MTUS2: variants seen among roughly 807,000 people sequenced by gnomAD.
MTUS2 encodes microtubule associated scaffold protein 2.
In MTUS2, 40 loss-of-function variants were observed where a neutral mutation model predicts 114.1. The observed-to-expected ratio is 0.35, with a 90% CI of 0.27 to 0.46. MTUS2 has a LOEUF of 0.46. Among genes scored for constraint, MTUS2 ranks in the 20% least tolerant of loss-of-function variants. The probability of loss-of-function intolerance (pLI) is 1.00; values close to 1 mark genes in which losing one functional copy is unlikely to be tolerated. For synonymous variants in MTUS2, 688 were observed against 672.0 expected (o/e 1.02, Z -0.37); for missense variants, 1,679 against 1,705.4 (o/e 0.98, Z 0.27).
chr13:29,428,520 C>T, intron 8 of MTUS2: 1 of 425,540 alleles, frequency 2.3e-6, no homozygotes, highest in East Asian at 4.0e-5. Flanking sequence ...TGTGGTTATG[C>T]GACTATTGAT....
At chr13:28,963,878 C>T (rs148529252) in intron 2 of MTUS2, among the ~76,000 whole-genome samples, 2 of 152,190 alleles carry the variant, frequency 1.3e-5, no homozygotes, top group Admixed American at 6.5e-5. Flanking sequence ...TTGAAATGCT[C>T]TTTCCCATCT....
chr13:29,364,629 C>A (rs1870551923), intron 8 of MTUS2, among the ~76,000 whole-genome samples: 1 of 152,184 alleles, frequency 6.6e-6, no homozygotes, highest in South Asian at 2.1e-4. Context: ...CTAGCTTTAT[C>A]TGTTTAATGC....
At chr13:28,991,751 GCTA>G (rs1884866931) in intron 2 of MTUS2, among the ~76,000 whole-genome samples, 1 of 152,074 alleles carries the variant, frequency 6.6e-6, no homozygotes, top group Non-Finnish European at 1.5e-5. Context: ...TTTAAACCTG[GCTA>G]CTTCTTATCC....
intron 5 of MTUS2, among the ~76,000 whole-genome samples, chr13:29,278,681 A>G (rs1181278490): frequency 1.3e-5 from 2 of 152,270 alleles, no homozygotes; most frequent in African/African-American, 4.8e-5. Flanking sequence ...TTGAATATCC[A>G]GGAAACTGAG....
At chr13:29,235,825 G>T (rs1896515182) in intron 5 of MTUS2, among the ~76,000 whole-genome samples, 1 of 152,100 alleles carries the variant, frequency 6.6e-6, no homozygotes, top group Non-Finnish European at 1.5e-5. Flanking sequence ...ATTCACTCAT[G>T]ACCATTTTGG....
At chr13:29,155,888 C>T (rs965253474) in intron 5 of MTUS2, among the ~76,000 whole-genome samples, 2 of 151,746 alleles carry the variant, frequency 1.3e-5, no homozygotes, top group African/African-American at 2.4e-5. Flanking sequence ...TCTATCATTA[C>T]GAGGATAATC....
chr13:29,500,834 C>CAT (rs1491397590), intron 14 of MTUS2, among the ~76,000 whole-genome samples: 1 of 141,308 alleles, frequency 7.1e-6, no homozygotes, highest in Non-Finnish European at 1.5e-5. Flanking sequence ...CACACACACA[C>CAT]ATTGATACAT....
chr13:29,114,043 A>T (rs1890985664), intron 5 of MTUS2, among the ~76,000 whole-genome samples: 1 of 152,034 alleles, frequency 6.6e-6, no homozygotes, highest in Non-Finnish European at 1.5e-5. Flanking sequence ...ACTGTGTGAG[A>T]TACCTGCTCC....
At chr13:29,148,476 T>TGCTGAGGATAA (rs1313550522) in intron 5 of MTUS2, among the ~76,000 whole-genome samples, 21 of 104,468 alleles carry the variant, frequency 2.0e-4, no homozygotes, top group Admixed American at 5.2e-4. Flanking sequence ...GGTTTTCTTT[T>TGCTGAGGATAA]TTTTTTTTTT....
chr13:29,340,659 T>C (rs1901347055), intron 7 of MTUS2, among the ~76,000 whole-genome samples: 1 of 152,188 alleles, frequency 6.6e-6, no homozygotes, highest in Admixed American at 6.5e-5. Flanking sequence ...TTTTTTAAAA[T>C]TATTTCAGTA....
At chr13:28,988,048 T>G (rs1336603614) in intron 2 of MTUS2, among the ~76,000 whole-genome samples, 1 of 152,224 alleles carries the variant, frequency 6.6e-6, no homozygotes, top group East Asian at 1.9e-4. Context: ...GGGACCCAGG[T>G]AGCAGAATTG....
Position 29,301,003 on chromosome 13 carries a change from A to G in MTUS2, c.2806+19138A>G. On this transcript the variant is annotated intron_variant, in intron 6 of 15. Coordinates refer to ENST00000612955, the MANE Select transcript of MTUS2 (RefSeq NM_001033602.4). ...TAAGATAACTGGAGAAGAGTGACAT[A>G]TTTATTTGGCATTGCAGAGCCTTCA... 1.3e-5 allele frequency among the ~76,000 whole-genome samples: 2 copies of G among 152,214 alleles called. 1 individual carries two copies. Among genetic ancestry groups the G allele is most frequent in the East Asian group, 3.8e-4 (2 of 5,198 alleles).
At chr13:28,939,434 T>C (rs1882101206) in intron 2 of MTUS2, among the ~76,000 whole-genome samples, 1 of 152,196 alleles carries the variant, frequency 6.6e-6, no homozygotes. Context: ...GTGTAGCATA[T>C]GTCTCTGGGG....
intron 2 of MTUS2, among the ~76,000 whole-genome samples, chr13:28,845,584 A>C (rs190081288): frequency 8.7e-4 from 132 of 152,192 alleles, no homozygotes; most frequent in Non-Finnish European, 1.5e-3. Flanking sequence ...ATTATCCTTT[A>C]TGGTGTAATA....
intron 5 of MTUS2, among the ~76,000 whole-genome samples, chr13:29,189,885 T>A (rs1894376741): frequency 6.6e-6 from 1 of 152,168 alleles, no homozygotes; most frequent in Non-Finnish European, 1.5e-5. Flanking sequence ...TAGGATAATA[T>A]TTGGAGGTGG....
chr13:29,492,890 G>A (rs1882292566), intron 12 of MTUS2, among the ~76,000 whole-genome samples, 171 bp downstream of exon 12: 1 of 152,204 alleles, frequency 6.6e-6, no homozygotes, highest in African/African-American at 2.4e-5. Flanking sequence ...TGTCTGCTCA[G>A]AAAGCTGTGA....
intron 2 of MTUS2, among the ~76,000 whole-genome samples, chr13:29,020,709 G>T (rs926363714): frequency 1.7e-4 from 26 of 151,772 alleles, no homozygotes; most frequent in African/African-American, 6.1e-4. Flanking sequence ...TTCCTGTGTG[G>T]TGTATGATTC....
At chr13:29,251,292 G>A (rs200567205) in intron 5 of MTUS2, among the ~76,000 whole-genome samples, 3 of 146,508 alleles carry the variant, frequency 2.0e-5, no homozygotes, top group African/African-American at 5.0e-5. Context: ...ATGGGATGAT[G>A]ATAATAATAA....
chr13:28,934,670 T>C (rs540245401), intron 2 of MTUS2, among the ~76,000 whole-genome samples: 6 of 152,278 alleles, frequency 3.9e-5, no homozygotes, highest in African/African-American at 1.4e-4. Context: ...ATTATAGGCA[T>C]GTGCCACCAT....
Sources: allele counts gnomAD v4.1 joint callset (sites outside exome capture counted in the v4.1 genomes callset), GRCh38; gene constraint gnomAD v4.1.1; transcripts MANE v1.5; gene names NCBI Gene and HGNC (gene_info 2026-07-23, HGNC 2026-07-21).